Variants in CNTN5 observed in about 807,000 individuals in gnomAD.
The protein encoded by CNTN5 is contactin-5.
A neutral mutation model predicts 129.1 loss-of-function variants in CNTN5; 77 were observed. That is an observed-to-expected ratio of 0.60 (90% CI 0.50 to 0.72). The LOEUF is 0.72. Ranked by LOEUF, CNTN5 falls within the 30% of genes least tolerant of loss-of-function variation. CNTN5 has a pLI of 0.00. For synonymous variants in CNTN5, 509 were observed against 465.6 expected (o/e 1.09, Z -1.20); for missense variants, 1,478 against 1,328.8 (o/e 1.11, Z -1.75).
At chr11:99,518,067 G>T (rs11827261) in intron 2 of CNTN5, among the ~76,000 whole-genome samples, 24,175 of 151,984 alleles carry the variant, frequency 0.16, 2,493 homozygotes, top group East Asian at 0.5. Context: ...TATCAGTCAT[G>T]GACCTTCTTT....
At chr11:99,789,199 T>C (rs886940217) in intron 3 of CNTN5, among the ~76,000 whole-genome samples, 1 of 151,946 alleles carries the variant, frequency 6.6e-6, no homozygotes, top group African/African-American at 2.4e-5. Context: ...CAAATTATGA[T>C]TATGAAACAA....
intron 1 of CNTN5, among the ~76,000 whole-genome samples, chr11:99,089,855 A>G (rs1162990642): frequency 2.0e-5 from 3 of 152,162 alleles, no homozygotes; most frequent in African/African-American, 7.2e-5. Flanking sequence ...GTCATTTGGC[A>G]TACTCTGTTT....
chr11:99,665,520 C>G (rs1952755165), intron 3 of CNTN5, among the ~76,000 whole-genome samples: 1 of 111,950 alleles, frequency 8.9e-6, no homozygotes, highest in Non-Finnish European at 1.7e-5. Context: ...GAGCCTTGCT[C>G]TGTTGCTCAG....
At chr11:99,035,965 G>T (rs1336080475) in intron 1 of CNTN5, among the ~76,000 whole-genome samples, 1 of 151,792 alleles carries the variant, frequency 6.6e-6, no homozygotes, top group Non-Finnish European at 1.5e-5. Flanking sequence ...GGGCAGGCCT[G>T]GTGGTGACAA....
At chr11:99,496,468 G>A (rs1055779852) in intron 2 of CNTN5, among the ~76,000 whole-genome samples, 1 of 152,046 alleles carries the variant, frequency 6.6e-6, no homozygotes, top group African/African-American at 2.4e-5. Context: ...TATAGTACTT[G>A]ACATATTAAA....
At chr11:99,724,349 ATG>A (rs1943268738) in intron 3 of CNTN5, among the ~76,000 whole-genome samples, 1 of 152,130 alleles carries the variant, frequency 6.6e-6, no homozygotes, top group African/African-American at 2.4e-5. Flanking sequence ...CGTTGTATCC[ATG>A]TCTCAAGTTC....
intron 3 of CNTN5, among the ~76,000 whole-genome samples, chr11:99,791,845 G>A (rs1417366520): frequency 6.6e-6 from 1 of 152,038 alleles, no homozygotes; most frequent in Non-Finnish European, 1.5e-5. Flanking sequence ...GTATTCCTAG[G>A]TATTTTATTC....
chr11:99,100,513 GATATC>G (rs1431079727), intron 1 of CNTN5, among the ~76,000 whole-genome samples: 1 of 151,954 alleles, frequency 6.6e-6, no homozygotes, highest in South Asian at 2.1e-4. Flanking sequence ...AATTAGAAAT[GATATC>G]ATAGCATAAT....
intron 3 of CNTN5, among the ~76,000 whole-genome samples, chr11:99,714,625 T>TG (rs1354251813): frequency 2.6e-5 from 4 of 151,934 alleles, no homozygotes; most frequent in Non-Finnish European, 5.9e-5. Context: ...TTATTATACA[T>TG]TTTTAAAGAC....
At chr11:99,448,081 T>A (rs1944143819) in intron 2 of CNTN5, among the ~76,000 whole-genome samples, 1 of 152,092 alleles carries the variant, frequency 6.6e-6, no homozygotes, top group Non-Finnish European at 1.5e-5. Context: ...TATATAATAG[T>A]AAGTTAACAT....
chr11:100,330,515 G>T (rs1174844063), intron 21 of CNTN5, among the ~76,000 whole-genome samples: 1 of 149,316 alleles, frequency 6.7e-6, no homozygotes, highest in African/African-American at 2.6e-5. Flanking sequence ...TCATCACCTA[G>T]GCACATAGTC....
chr11:99,255,303 ATG>A (rs1862319626), intron 1 of CNTN5, among the ~76,000 whole-genome samples: 1 of 151,848 alleles, frequency 6.6e-6, no homozygotes, highest in Non-Finnish European at 1.5e-5. Flanking sequence ...ATTTAACTAT[ATG>A]TAACGAATAG....
intron 20 of CNTN5, among the ~76,000 whole-genome samples, chr11:100,304,169 C>T (rs963964657): frequency 2.0e-5 from 3 of 151,498 alleles, no homozygotes; most frequent in African/African-American, 7.3e-5. Context: ...CTATCAGAAA[C>T]AAACGTATCA....
chr11:100,194,511 T>C (rs962830127), intron 15 of CNTN5, among the ~76,000 whole-genome samples: 1 of 151,838 alleles, frequency 6.6e-6, no homozygotes, highest in Non-Finnish European at 1.5e-5. Flanking sequence ...CTGAAACACT[T>C]TGAGAAGCAT....
At chr11:99,887,409 A>G (rs1948928555) in intron 6 of CNTN5, among the ~76,000 whole-genome samples, 1 of 152,228 alleles carries the variant, frequency 6.6e-6, no homozygotes, top group Non-Finnish European at 1.5e-5. Flanking sequence ...ATGGTCAAAT[A>G]AATTTTATGG....
intron 3 of CNTN5, among the ~76,000 whole-genome samples, chr11:99,609,825 G>A (rs1301769361): frequency 1.3e-5 from 2 of 152,102 alleles, no homozygotes; most frequent in African/African-American, 2.4e-5. Context: ...ACTGTTTACT[G>A]GGTGTAGTTC....
intron 1 of CNTN5, among the ~76,000 whole-genome samples, chr11:99,310,607 A>T (rs12282779): frequency 0.052 from 7,902 of 152,212 alleles, 663 homozygotes; most frequent in African/African-American, 0.18. Flanking sequence ...ATACGCCTAT[A>T]AGCCACTATC....
At chr11:99,869,960 T>C (rs1430300384) in intron 6 of CNTN5, among the ~76,000 whole-genome samples, 1 of 152,142 alleles carries the variant, frequency 6.6e-6, no homozygotes, top group African/African-American at 2.4e-5. Flanking sequence ...AGCTTAAGGA[T>C]GCTGTCTGGA....
intron 4 of CNTN5, among the ~76,000 whole-genome samples, chr11:99,836,579 T>G (rs939936623): frequency 3.9e-5 from 6 of 152,162 alleles, no homozygotes; most frequent in African/African-American, 4.8e-5. Context: ...TCTTTGCTAT[T>G]GTGAATAGTG....
Sources: gnomAD v4.1 joint callset for allele counts (sites outside exome capture counted in the v4.1 genomes callset) on GRCh38, gnomAD v4.1.1 for gene constraint, MANE v1.5 for transcripts, NCBI Gene and HGNC (gene_info 2026-07-23, HGNC 2026-07-21) for gene names.